FN1: variants seen among roughly 807,000 people sequenced by gnomAD.
FN1 encodes the protein fibronectin 1.
FN1 carries 106 observed loss-of-function variants against 297.3 expected under a neutral mutation model. The observed-to-expected ratio is 0.36, with a 90% CI of 0.30 to 0.42. The LOEUF (loss-of-function observed/expected upper bound fraction) is 0.42. Among genes scored for constraint, FN1 ranks in the 10% least tolerant of loss-of-function variants. FN1 has a pLI of 1.00. For missense variants in FN1, 2,690 were observed against 3,124.9 expected, an observed-to-expected ratio of 0.86 and a Z score of 3.32; for synonymous variants, 1,149 against 1,152.6, an observed-to-expected ratio of 1.00 and a Z score of 0.06.
Position 215,397,725 on chromosome 2 carries a change from C to T in FN1, c.3472G>A (p.Asp1158Asn). 1 of 1,614,062 alleles carries T rather than the reference C, an allele frequency of 6.2e-7. No individual in the cohort carries two copies. The highest frequency in any genetic ancestry group is 8.5e-7 in the Non-Finnish European group (1 of 1,179,894). Residue 1158 changes from aspartate (D) to asparagine (N), a missense_variant, in exon 22 of 46, where the codon GAT (aspartate) becomes AAT (asparagine). By Grantham distance (23) the Asp-to-Asn change is conservative (BLOSUM62 1). Transcript: ENST00000354785. The part of the protein sequence containing the change: ...EYVYTIQVLR[D>N]GQERDAPIVN... The stretch of plus-strand genomic sequence containing the variant: ...ATTGGCGCATCTCTTTCCTGTCCAT[C>T]TCTCAGGACTTGGATGGTGTAGACG...
chr2:215,389,096 T>A (rs1026887632), intron 26 of FN1, among the ~76,000 whole-genome samples: 2 of 152,128 alleles, frequency 1.3e-5, no homozygotes, highest in East Asian at 1.9e-4. Flanking sequence ...TGTTCCATTT[T>A]TTTTTATTTT....
chr2:215,381,271 A>T lies in FN1; in HGVS notation c.5165-191T>A, dbSNP rs1177260780. On this transcript the variant is annotated intron_variant, in intron 32 of 45. Transcript: ENST00000354785. ...TTTAGAAAATATGCAATGTTGCATC[A>T]CTTATTAAAACATAGGTGTATGTGA... is the stretch of plus-strand genomic sequence containing the variant. The T allele has an allele frequency of 4.7e-6, 3 of 635,864 alleles. No individual in the cohort carries two copies. The African/African-American group carries it at 5.4e-5, about 12-fold the overall frequency. 39.4% of individuals were successfully genotyped at this position (635,864 alleles called of 1,614,324 possible). A position where few individuals can be genotyped will look rare whatever the true frequency, so the allele number is the denominator to read the frequency against.
At chr2:215,370,461 G>A (rs922873978) in intron 40 of FN1, 29 bp from the exon 41 acceptor site, 2 of 1,575,372 alleles carry the variant, frequency 1.3e-6, no homozygotes, top group Non-Finnish European at 1.7e-6. Context: ...CCAAAGCAGA[G>A]AGAAAGCATT....
Position 215,404,299 on chromosome 2 carries a change from G to GGT in FN1, c.3253+89_3253+90insAC. ...TTAAATTATGTACTAATTTTTTAAT[G>GGT]TTTTTTTTGTTTTGTTTTGTTTTGT... On this transcript the variant is annotated intron_variant, in intron 20 of 45. Transcript: ENST00000354785. 1.0e-5 allele frequency: 11 copies of GGT among 1,080,214 alleles called. No homozygotes were observed. In the Admixed American group the frequency reaches 2.0e-4, roughly 20 times the overall value. 66.9% of individuals were successfully genotyped at this position (1,080,214 alleles called of 1,614,324 possible).
chr2:215,426,310 G>A (rs927411768), intron 6 of FN1, among the ~76,000 whole-genome samples: 14 of 151,068 alleles, frequency 9.3e-5, no homozygotes, highest in South Asian at 2.1e-4. Context: ...CACCACGCCC[G>A]GCTAATTTTT....
Position 215,365,002 on chromosome 2 carries a change from G to GACAGATGC in FN1, c.7145-25_7145-18dup. Reference sequence around the variant, plus strand: ...TTGCCTCATCTGCATATAGACACAAGACAGATGCACGCATAAGCTGAGAAC... The same window carrying GACAGATGC: ...TTGCCTCATCTGCATATAGACACAAGACAGATGCACAGATGCACGCATAAGCTGAGAAC... On this transcript the variant is annotated splice_polypyrimidine_tract_variant and intron_variant, in intron 43 of 45. Transcript: ENST00000354785. 6.8e-7 allele frequency: 1 copy of GACAGATGC among 1,461,414 alleles called. No homozygotes were observed. The highest frequency in any genetic ancestry group is 9.4e-7 in the Non-Finnish European group (1 of 1,061,020). The allele number at this position is 1,461,414 out of a possible 1,614,324, so 90.5% of individuals were successfully genotyped here.
intron 44 of FN1, chr2:215,363,683 C>T (rs960637799): frequency 6.6e-6 from 1 of 152,186 alleles, no homozygotes; most frequent in Non-Finnish European, 1.5e-5. Context: ...GAAGCATGCC[C>T]CTCACCCACC....
intron 10 of FN1, 49 bp downstream of exon 10, chr2:215,422,042 T>C: frequency 6.3e-7 from 1 of 1,595,624 alleles, no homozygotes. Flanking sequence ...AAGTGTCCCT[T>C]TCTGTACCTT....
rs755148527 is a variant in FN1 at position 215,381,071 on chromosome 2, C to T, written c.5174G>A (p.Arg1725His). 2.4e-5 allele frequency: 38 copies of T among 1,613,938 alleles called. No homozygotes were observed. The highest frequency in any genetic ancestry group is 6.6e-5 in the South Asian group (6 of 91,088). Residue 1725 changes from arginine (R) to histidine (H), a missense_variant, in exon 33 of 46, where the codon CGC becomes CAC. This residue lies in a region of FN1 where 1,743 missense variants were observed against 1,945.2 expected (regional missense o/e 0.90). Transcript: ENST00000354785. Reference sequence around the variant, plus strand: ...ATCAGTGAATGCCAGTCCTTTAGGGCGATCAATGTCTGTTAGGCAAATTAA... The same window carrying T: ...ATCAGTGAATGCCAGTCCTTTAGGGTGATCAATGTCTGTTAGGCAAATTAA... ...LVQTAVTNID[R>H]PKGLAFTDVD... is the part of the protein sequence containing the mutation.
intron 23 of FN1, among the ~76,000 whole-genome samples, chr2:215,395,278 C>T (rs2060181746): frequency 6.6e-6 from 1 of 152,140 alleles, no homozygotes. Flanking sequence ...GATACTTATT[C>T]TAGAAAGAGT....
Position 215,378,198 on chromosome 2 carries a change from T to C in FN1, c.5687A>G (p.Gln1896Arg). 1 of 1,609,408 alleles carries C rather than the reference T, an allele frequency of 6.2e-7. No individual in the cohort carries two copies. The highest frequency in any genetic ancestry group is 8.5e-7 in the Non-Finnish European group (1 of 1,175,944). ...LKDTLTSRPA[Q>R]GVVTTLENVS... Reference sequence around the variant, plus strand: ...ACTCTCCAGAGTGGTGACAACTCCCTGAGCTGGTCTGCTTGTCAAAGTGTC... The same window carrying C: ...ACTCTCCAGAGTGGTGACAACTCCCCGAGCTGGTCTGCTTGTCAAAGTGTC... The change falls in exon 35 of 46, where the codon CAG becomes CGG. Residue 1896 changes from glutamine to arginine, a missense_variant. By Grantham distance (43) the Gln-to-Arg change is conservative. This residue lies in a region of FN1 where 1,743 missense variants were observed against 1,945.2 expected (regional missense o/e 0.90). Transcript: ENST00000354785.
intron 17 of FN1, among the ~76,000 whole-genome samples, chr2:215,407,864 T>G (rs879774768): frequency 6.6e-6 from 1 of 152,026 alleles, no homozygotes; most frequent in Non-Finnish European, 1.5e-5. Flanking sequence ...CTTTACAGGT[T>G]GTGTGTATGT....
At chr2:215,378,131 TC>T (rs2057644822) in intron 35 of FN1, 43 bp downstream of exon 35, 1 of 1,143,116 alleles carries the variant, frequency 8.7e-7, no homozygotes, top group Non-Finnish European at 1.3e-6. Flanking sequence ...TTAATTTTTG[TC>T]TATACAGAAG....
intron 29 of FN1, chr2:215,384,495 C>T: frequency 2.5e-6 from 1 of 402,704 alleles, no homozygotes; most frequent in Non-Finnish European, 4.4e-6. Context: ...GCATTGTGTC[C>T]TTTTTAAAAC....
intron 5 of FN1, among the ~76,000 whole-genome samples, chr2:215,430,464 C>T (rs1391376339): frequency 6.6e-6 from 1 of 151,986 alleles, no homozygotes; most frequent in African/African-American, 2.4e-5. Context: ...AAACCTAAAC[C>T]TTTTGTTCAA....
chr2:215,424,083 A>G lies in FN1; in HGVS notation c.1216+63T>C, dbSNP rs2064921132. The G allele has an allele frequency of 6.5e-6, 10 of 1,529,684 alleles. No individual in the cohort carries two copies. In the Admixed American group the frequency reaches 1.7e-4, roughly 26 times the overall value. The allele number at this position is 1,529,684 out of a possible 1,614,324, so 94.8% of individuals were successfully genotyped here. A position where few individuals can be genotyped will look rare whatever the true frequency, so the allele number is the denominator to read the frequency against. Reference sequence around the variant, plus strand: ...AAAATAAATGGCTAGAATGCTGGCAAATAAAACTAGGGCATGAAAGTGAGT... The same window carrying G: ...AAAATAAATGGCTAGAATGCTGGCAGATAAAACTAGGGCATGAAAGTGAGT... On this transcript the variant is annotated intron_variant, in intron 8 of 45. Coordinates refer to ENST00000354785, the MANE Select transcript of FN1 (RefSeq NM_212482.4).
intron 26 of FN1, among the ~76,000 whole-genome samples, chr2:215,388,506 C>T (rs1380734774): frequency 6.6e-6 from 1 of 152,246 alleles, no homozygotes; most frequent in Non-Finnish European, 1.5e-5. Context: ...TCACCTTGCC[C>T]CATGGCCTCT....
chr2:215,389,844 A>G (rs929926598), intron 26 of FN1, among the ~76,000 whole-genome samples: 46 of 152,230 alleles, frequency 3.0e-4, no homozygotes, highest in Non-Finnish European at 2.2e-4. Context: ...AGCCTTTGAC[A>G]CACCTAAGCT....
In FN1 at chr2:215,430,719, A is replaced by G; in HGVS notation, c.681T>C (p.Ser227=). ...GEGSGRITCT[S]RNRCNDQDTR... is the part of the protein sequence containing the mutation. ...ACATAAAGATGTAAAACATACTTCT[A>G]GAAGTGCAAGTGATGCGTCCGCTGC... The change falls in exon 5 of 46, where the codon TCT becomes TCC. Residue 227 remains serine (S), a synonymous_variant. Coordinates refer to ENST00000354785, the MANE Select transcript of FN1 (RefSeq NM_212482.4). 1 of 1,614,064 alleles carries G rather than the reference A, an allele frequency of 6.2e-7. No homozygotes were observed. The highest frequency in any genetic ancestry group is 8.5e-7 in the Non-Finnish European group (1 of 1,179,942).
Sources: allele counts gnomAD v4.1 joint callset (sites outside exome capture counted in the v4.1 genomes callset), GRCh38; gene constraint gnomAD v4.1.1; regional missense constraint gnomAD v4.1.1; transcripts MANE v1.5; gene names NCBI Gene and HGNC (gene_info 2026-07-23, HGNC 2026-07-21).